MS4A6E: variants seen among roughly 807,000 people sequenced by gnomAD.
The protein encoded by MS4A6E is membrane-spanning 4-domains subfamily A member 6E.
In MS4A6E, 8 loss-of-function variants were observed where a neutral mutation model predicts 13.2. That is an observed-to-expected ratio of 0.60 (90% CI 0.35 to 1.09). MS4A6E has a LOEUF of 1.09. Ranked by LOEUF, MS4A6E falls within the 50% of genes least tolerant of loss-of-function variation. The pLI, the probability that MS4A6E is intolerant of heterozygous loss-of-function variation, is 0.02. For missense variants in MS4A6E, 177 were observed against 171.1 expected (o/e 1.03, Z -0.19); for synonymous variants, 72 against 67.6 (o/e 1.06, Z -0.32).
chr11:60,339,997 C>A (rs2289612), intron 4 of MS4A6E, 33 bp downstream of exon 4: 705,220 of 1,606,470 alleles, frequency 0.44, 158,273 homozygotes, highest in Non-Finnish European at 0.46. Context: ...CTTAATCTTG[C>A]CTAGTGTATC....
intron 1 of MS4A6E, among the ~76,000 whole-genome samples, chr11:60,332,829 C>T (rs549397389): frequency 7.2e-5 from 11 of 152,218 alleles, no homozygotes; most frequent in South Asian, 2.1e-4. Flanking sequence ...GCAATTGATC[C>T]GAGGCTACTA....
intron 4 of MS4A6E, among the ~76,000 whole-genome samples, chr11:60,348,268 G>A (rs2085264582): frequency 6.6e-6 from 1 of 152,128 alleles, no homozygotes. Flanking sequence ...TTCAGCAAAG[G>A]ACTGACAATG....
chr11:60,332,415 G>A (rs561078554), intron 1 of MS4A6E, among the ~76,000 whole-genome samples: 2 of 152,322 alleles, frequency 1.3e-5, no homozygotes, highest in African/African-American at 4.8e-5. Context: ...TAGAGAATAA[G>A]AAGGCCTTAA....
chr11:60,342,172 TGTGTGTGAGAGAGAGAGAGAGAGAGAGA>T (rs2085229972), downstream of MS4A6E, among the ~76,000 whole-genome samples: 1 of 31,658 alleles, frequency 3.2e-5, no homozygotes, highest in African/African-American at 1.1e-4. Context: ...TGTGTGTGTG[TGTGTGTGAGAGAGAGAGAGAGAGAGAGA>T]GGGGGGGGGA....
chr11:60,330,718 TA>T (rs2085149888), intron 1 of MS4A6E, among the ~76,000 whole-genome samples: 1 of 152,204 alleles, frequency 6.6e-6, no homozygotes, highest in Non-Finnish European at 1.5e-5. Context: ...TGGTATTGCC[TA>T]GGTTTTCTTC....
chr11:60,335,254 G>A (rs2085181413), intron 2 of MS4A6E, among the ~76,000 whole-genome samples: 1 of 152,118 alleles, frequency 6.6e-6, no homozygotes, highest in African/African-American at 2.4e-5. Context: ...AATATGAGGA[G>A]TTGATTTTCT....
At chr11:60,342,170 TGTGTGTGTGAGA>T (rs1189965699), downstream of MS4A6E, among the ~76,000 whole-genome samples, 2 of 31,856 alleles carry the variant, frequency 6.3e-5, no homozygotes, top group African/African-American at 2.4e-4. Context: ...TGTGTGTGTG[TGTGTGTGTGAGA>T]GAGAGAGAGA....
intron 1 of MS4A6E, among the ~76,000 whole-genome samples, chr11:60,330,034 C>A (rs975060332): frequency 6.7e-6 from 1 of 150,294 alleles, no homozygotes; most frequent in Non-Finnish European, 1.5e-5. Context: ...ACCGTGTTAG[C>A]CAGGCTGGTT....
At chr11:60,337,696 TC>T in intron 2 of MS4A6E, 44 bp from the exon 3 acceptor site, 1 of 1,608,552 alleles carries the variant, frequency 6.2e-7, no homozygotes, top group Non-Finnish European at 8.5e-7. Flanking sequence ...TAAGAGAGAT[TC>T]GTGGCCCTTT....
At position 60,340,700 on chromosome 11, in the gene MS4A6E, G is replaced by A. The variant is rs561806860; in HGVS notation, c.*10-76G>A. The A allele has an allele frequency of 1.2e-4, 21 of 168,840 alleles. No homozygotes were observed. The South Asian group carries it at 2.9e-3, about 23-fold the overall frequency. The allele number at this position is 168,840 out of a possible 1,614,324, so 10.5% of individuals were successfully genotyped here. On this transcript the variant is annotated intron_variant, in intron 4 of 4. Transcript: ENST00000684409. ...GTTGGAAAAAATGGCATATCCACAT[G>A]TATCTTGAACCTGAGTAAAGTCTGA...
rs187944045 is a variant in MS4A6E at position 60,327,985 on chromosome 11, G to A, written c.-15+577G>A. ...GCGGAAGTTGCCATGAGCCAAGATC[G>A]CACCACTACACTCCAGCCTGGGTGA... On this transcript the variant is annotated intron_variant, in intron 1 of 4. Transcript: ENST00000684409. Among the ~76,000 whole-genome samples, 63 of 130,186 alleles carry A rather than the reference G, an allele frequency of 4.8e-4. 2 individuals are homozygous for A. In the East Asian group the frequency reaches 0.011, roughly 22 times the overall value. 85.4% of individuals were successfully genotyped at this position (130,186 alleles called of 152,430 possible).
chr11:60,330,335 C>T (rs1207673854), intron 1 of MS4A6E, among the ~76,000 whole-genome samples: 1 of 61,180 alleles, frequency 1.6e-5, no homozygotes, highest in Admixed American at 2.4e-4. Context: ...AATTTTGGCT[C>T]TTTTTTTTTT....
intron 1 of MS4A6E, among the ~76,000 whole-genome samples, chr11:60,331,421 G>A (rs2085155132): frequency 6.6e-6 from 1 of 151,866 alleles, no homozygotes; most frequent in Non-Finnish European, 1.5e-5. Context: ...TCATAGAGCA[G>A]TTTCTCACCA....
intron 4 of MS4A6E, 35 bp downstream of exon 4, chr11:60,339,999 T>C (rs776955590): frequency 3.1e-6 from 5 of 1,606,274 alleles, no homozygotes; most frequent in Non-Finnish European, 4.3e-6. Flanking sequence ...TAATCTTGCC[T>C]AGTGTATCTT....
At chr11:60,339,812 A>T in intron 3 of MS4A6E, 54 bp from the exon 4 acceptor site, 1 of 1,518,610 alleles carries the variant, frequency 6.6e-7, no homozygotes, top group Non-Finnish European at 9.1e-7. Context: ...TAAACTAGGC[A>T]TGAAAGCTTC....
chr11:60,344,486 C>A (rs188241387), downstream of MS4A6E, among the ~76,000 whole-genome samples: 631 of 152,306 alleles, frequency 4.1e-3, 4 homozygotes, highest in Non-Finnish European at 5.4e-3. Flanking sequence ...GGTAAGTTCT[C>A]TCCTGAAAAC....
intron 1 of MS4A6E, among the ~76,000 whole-genome samples, chr11:60,330,615 A>G (rs1590772483): frequency 6.6e-6 from 1 of 152,188 alleles, no homozygotes; most frequent in South Asian, 2.1e-4. Flanking sequence ...CTGGGATTAC[A>G]GGCATAAGCC....
intron 2 of MS4A6E, 115 bp downstream of exon 2, chr11:60,335,157 G>C (rs2085180880): frequency 2.1e-6 from 3 of 1,436,754 alleles, no homozygotes; most frequent in Non-Finnish European, 2.8e-6. Context: ...TTGCTGGAGG[G>C]ACTTTGGGGT....
At chr11:60,338,086 A>AG (rs1158747601) in intron 3 of MS4A6E, 139 bp downstream of exon 3, 3 of 746,270 alleles carry the variant, frequency 4.0e-6, no homozygotes, top group African/African-American at 1.8e-5. Flanking sequence ...TGTAAATCAA[A>AG]GGGGGGCTGC....
Sources: allele counts gnomAD v4.1 joint callset (sites outside exome capture counted in the v4.1 genomes callset), GRCh38; gene constraint gnomAD v4.1.1; transcripts MANE v1.5; gene names NCBI Gene and HGNC (gene_info 2026-07-23, HGNC 2026-07-21).